The following TMEM181 variants were observed in gnomAD, a reference collection of about 807,000 sequenced individuals.
TMEM181 encodes transmembrane protein 181, also known as G protein-coupled receptor 178.
In TMEM181, 39 loss-of-function variants were observed where a neutral mutation model predicts 71.9. The ratio of observed to expected loss-of-function variants is 0.54; its 90% CI spans 0.42 to 0.71. The LOEUF (loss-of-function observed/expected upper bound fraction) is 0.71, where lower values mean the gene tolerates loss of function less well. Among genes scored for constraint, TMEM181 ranks in the 30% least tolerant of loss-of-function variants. TMEM181 has a pLI of 0.00. For missense variants in TMEM181, 595 were observed against 583.0 expected (o/e 1.02, Z -0.21); for synonymous variants, 245 against 228.8 (o/e 1.07, Z -0.64).
At chr6:158,562,479 G>T (rs1419426203) in intron 1 of TMEM181, among the ~76,000 whole-genome samples, 1 of 73,478 alleles carries the variant, frequency 1.4e-5, no homozygotes, top group Non-Finnish European at 2.7e-5. Context: ...TGTGTGTCTT[G>T]CTTGGCACGT....
chr6:158,578,717 ATGAC>A (rs1783302623), intron 2 of TMEM181, among the ~76,000 whole-genome samples: 1 of 152,218 alleles, frequency 6.6e-6, no homozygotes, highest in Non-Finnish European at 1.5e-5. Context: ...AGAAAGCAAA[ATGAC>A]AGAAGCAAGT....
rs139331158 is a variant in TMEM181, at chr6:158,554,076, T to A, written c.131+17211T>A. On this transcript the variant is annotated intron_variant, in intron 1 of 16. Transcript: ENST00000367090. Reference sequence around the variant, plus strand: ...TGCCAGCCACCACGCCTGGCTAATTTTTTTATTTTATTTTATTTTATTTTT... The same window carrying A: ...TGCCAGCCACCACGCCTGGCTAATTATTTTATTTTATTTTATTTTATTTTT... 7.9e-3 allele frequency among the ~76,000 whole-genome samples: 1,192 copies of A among 151,740 alleles called. 17 individuals are homozygous for A. The highest frequency in any genetic ancestry group is 0.027 in the Admixed American group (410 of 15,218).
chr6:158,628,411 C>T lies in TMEM181; in HGVS notation c.1113C>T (p.Ile371=), dbSNP rs187514314. The change falls in exon 14 of 17, where the codon ATC becomes ATT. Residue 371 remains isoleucine, a synonymous_variant. Transcript: ENST00000684151. ...ALTFVVLVIS[I]AILYLRFGAQ... Reference sequence around the variant, plus strand: ...TCTGCTCCTCTGTCTTGTTCAGCATCGCCATCCTTTATTTGAGATTTGGGG... The same window carrying T: ...TCTGCTCCTCTGTCTTGTTCAGCATTGCCATCCTTTATTTGAGATTTGGGG... 164 of 1,614,174 alleles carry T rather than the reference C, an allele frequency of 1.0e-4. 1 individual carries two copies. The highest frequency in any genetic ancestry group is 1.5e-4 in the South Asian group (14 of 91,070).
chr6:158,592,534 G>A (rs968993737), intron 6 of TMEM181, among the ~76,000 whole-genome samples: 5 of 151,658 alleles, frequency 3.3e-5, no homozygotes, highest in African/African-American at 9.7e-5. Context: ...GTGCAGTGGC[G>A]CGATCACGGC....
At chr6:158,563,564 T>G (rs2128286861) in intron 1 of TMEM181, among the ~76,000 whole-genome samples, 1 of 152,346 alleles carries the variant, frequency 6.6e-6, no homozygotes, top group South Asian at 2.1e-4. Context: ...TGGAGCCTCC[T>G]GCTAGGGCCA....
intron 2 of TMEM181, among the ~76,000 whole-genome samples, chr6:158,574,026 GTT>G (rs1311646800): frequency 1.3e-5 from 2 of 152,254 alleles, no homozygotes; most frequent in African/African-American, 4.8e-5. Context: ...AAGCCAAGTG[GTT>G]TTCACAAGGT....
At chr6:158,600,089 G>C (rs1285985842) in intron 6 of TMEM181, among the ~76,000 whole-genome samples, 2 of 152,226 alleles carry the variant, frequency 1.3e-5, no homozygotes, top group African/African-American at 2.4e-5. Flanking sequence ...GGACCAAAGC[G>C]TGCTCTCAGC....
At chr6:158,559,276 G>C (rs1309824244), upstream of TMEM181, among the ~76,000 whole-genome samples, 5 of 152,164 alleles carry the variant, frequency 3.3e-5, no homozygotes, top group Non-Finnish European at 5.9e-5. Flanking sequence ...TTCTTTGCCT[G>C]TAATTTCACT....
At chr6:158,567,496 G>C (rs1782577904) in intron 1 of TMEM181, among the ~76,000 whole-genome samples, 1 of 152,222 alleles carries the variant, frequency 6.6e-6, no homozygotes, top group African/African-American at 2.4e-5. Context: ...TTTCAACTGT[G>C]GGCAGCCGTG....
intron 3 of TMEM181, 32 bp downstream of exon 3, chr6:158,581,027 T>TGGGGTGCAA: frequency 6.3e-7 from 1 of 1,593,762 alleles, no homozygotes; most frequent in Non-Finnish European, 8.6e-7. Context: ...AGCTGGGTGG[T>TGGGGTGCAA]GGGGTGCATT....
chr6:158,577,740 C>T (rs529983961), intron 2 of TMEM181, among the ~76,000 whole-genome samples: 19 of 152,212 alleles, frequency 1.2e-4, no homozygotes, highest in Admixed American at 2.6e-4. Context: ...TCAGCAGATA[C>T]CTCATCAGAA....
Position 158,571,195 on chromosome 6 carries a change from C to T in TMEM181, c.9-2225C>T, listed in dbSNP as rs866040126. Among the ~76,000 whole-genome samples, 27 of 152,180 alleles carry T rather than the reference C, an allele frequency of 1.8e-4. 1 individual carries two copies. Among genetic ancestry groups the T allele is most frequent in the Non-Finnish European group, 3.2e-4 (22 of 68,020 alleles). On this transcript the variant is annotated intron_variant, in intron 1 of 16. Coordinates refer to ENST00000684151, the MANE Select transcript of TMEM181 (RefSeq NM_001376852.1). ...CACTGCAAGCTCCGCCTCCCGGGTT[C>T]GTGCCATTCTCCCGCCTCAGCCTCC...
chr6:158,600,429 C>T (rs1464075719), intron 6 of TMEM181, among the ~76,000 whole-genome samples: 3 of 144,302 alleles, frequency 2.1e-5, no homozygotes, highest in Non-Finnish European at 4.5e-5. Context: ...GGATTATAGG[C>T]GTGAGTCACC....
intron 1 of TMEM181, among the ~76,000 whole-genome samples, chr6:158,565,836 C>A (rs1319848661): frequency 6.6e-6 from 1 of 152,106 alleles, no homozygotes; most frequent in Non-Finnish European, 1.5e-5. Context: ...TGCTTTCCCC[C>A]ACAGAGCCTC....
rs1786791856 is a variant in TMEM181 at position 158,633,812 on chromosome 6, TTC to T, written c.*1926_*1927del. 4 of 152,228 alleles carry T rather than the reference TTC, an allele frequency of 2.6e-5. No homozygotes were observed. Among genetic ancestry groups the T allele is most frequent in the South Asian group, 2.1e-4 (1 of 4,830 alleles). 9.4% of individuals were successfully genotyped at this position (152,228 alleles called of 1,614,324 possible). On this transcript the variant is annotated 3_prime_UTR_variant, in exon 17 of 17. Coordinates refer to ENST00000684151, the MANE Select transcript of TMEM181 (RefSeq NM_001376852.1). ...TAAATTTGCAATGATGTTTTTTTTA[TTC>T]TGTGTATTGAAAAAAATTTTCTGTT...
chr6:158,630,680 A>G (rs1786608785), intron 15 of TMEM181, among the ~76,000 whole-genome samples: 1 of 151,638 alleles, frequency 6.6e-6, no homozygotes, highest in African/African-American at 2.4e-5. Context: ...CCCCATCGTA[A>G]GTCAAGGAGC....
At chr6:158,601,414 G>T (rs927628529) in intron 6 of TMEM181, among the ~76,000 whole-genome samples, 13 of 152,026 alleles carry the variant, frequency 8.6e-5, no homozygotes, top group Admixed American at 7.9e-4. Flanking sequence ...GGGCATGGTG[G>T]CACATGCCTG....
At chr6:158,557,708 GATTTCGCCA>G (rs746624498), upstream of TMEM181, among the ~76,000 whole-genome samples, 14 of 152,110 alleles carry the variant, frequency 9.2e-5, no homozygotes, top group Non-Finnish European at 1.8e-4. Context: ...AGTAGAGATG[GATTTCGCCA>G]TATTGGCCAA....
chr6:158,603,420 C>T (rs1458942782), intron 6 of TMEM181, among the ~76,000 whole-genome samples: 1 of 152,136 alleles, frequency 6.6e-6, no homozygotes, highest in East Asian at 1.9e-4. Context: ...CCTGGCCGAC[C>T]TGAAGAGCTC....
Sources: allele counts gnomAD v4.1 joint callset (sites outside exome capture counted in the v4.1 genomes callset), GRCh38; gene constraint gnomAD v4.1.1; transcripts MANE v1.5; gene names NCBI Gene and HGNC (gene_info 2026-07-23, HGNC 2026-07-21).